Variants in SLC24A2 observed in about 807,000 individuals in gnomAD.
The protein encoded by SLC24A2 is solute carrier family 24 member 2, also known as sodium/potassium/calcium exchanger 2.
In SLC24A2, 36 loss-of-function variants were observed where a neutral mutation model predicts 62.0. That is an observed-to-expected ratio of 0.58 (90% CI 0.44 to 0.77). The LOEUF is 0.77. Ranked by LOEUF, SLC24A2 falls within the 30% of genes least tolerant of loss-of-function variation. The pLI is 0.00. For missense variants in SLC24A2, 846 were observed against 817.9 expected (o/e 1.03, Z -0.42); for synonymous variants, 358 against 294.0 (o/e 1.22, Z -2.23).
the SLC24A2 span, among the ~76,000 whole-genome samples, chr9:20,020,765 C>T: frequency 6.6e-6 from 1 of 152,108 alleles, no homozygotes; most frequent in Admixed American, 6.5e-5. Context: ...AATCTATTGG[C>T]TTTCAAAGCT....
chr9:19,689,601 A>T (rs1399216093), intron 2 of SLC24A2, among the ~76,000 whole-genome samples: 1 of 152,134 alleles, frequency 6.6e-6, no homozygotes, highest in Non-Finnish European at 1.5e-5. Context: ...AGGGCTTGTC[A>T]GTGTGGCACA....
At chr9:20,232,335 G>A in the SLC24A2 span, among the ~76,000 whole-genome samples, 18 of 152,172 alleles carry the variant, frequency 1.2e-4, no homozygotes, top group African/African-American at 3.6e-4. Context: ...TGTACCTCTG[G>A]TAGAATTCGG....
intron 2 of SLC24A2, among the ~76,000 whole-genome samples, chr9:19,648,147 C>T (rs934170848): frequency 6.6e-6 from 1 of 152,168 alleles, no homozygotes; most frequent in Non-Finnish European, 1.5e-5. Flanking sequence ...AATAGACTAA[C>T]AACCCATTAA....
the SLC24A2 span, among the ~76,000 whole-genome samples, chr9:20,094,463 T>C: frequency 1.1e-4 from 16 of 152,190 alleles, no homozygotes; most frequent in Admixed American, 4.6e-4. Flanking sequence ...AAAAACAGAA[T>C]TTTGGAAAAC....
intron 2 of SLC24A2, among the ~76,000 whole-genome samples, chr9:19,649,485 G>A (rs1245776034): frequency 3.3e-5 from 5 of 152,070 alleles, no homozygotes; most frequent in African/African-American, 7.2e-5. Flanking sequence ...TGGGGGTAGG[G>A]GGTTGGTGAG....
chr9:20,073,592 A>G, the SLC24A2 span, among the ~76,000 whole-genome samples: 2 of 152,048 alleles, frequency 1.3e-5, no homozygotes, highest in Non-Finnish European at 2.9e-5. Flanking sequence ...TTTGCCTAAA[A>G]TGTCATTTAT....
chr9:19,843,258 T>C, the SLC24A2 span, among the ~76,000 whole-genome samples: 2 of 152,184 alleles, frequency 1.3e-5, no homozygotes, highest in East Asian at 1.9e-4. Context: ...TCCCAACACT[T>C]TGGGAGGCCA....
chr9:19,559,114 G>T (rs1003184961), intron 7 of SLC24A2, among the ~76,000 whole-genome samples: 11 of 152,206 alleles, frequency 7.2e-5, no homozygotes, highest in African/African-American at 2.6e-4. Context: ...GGCACATAGT[G>T]AACACTCAAA....
chr9:20,279,263 G>T, the SLC24A2 span, among the ~76,000 whole-genome samples: 1 of 152,230 alleles, frequency 6.6e-6, no homozygotes, highest in South Asian at 2.1e-4. Context: ...AGACATGGTG[G>T]CTCATGCCTG....
At chr9:20,260,041 C>T in the SLC24A2 span, among the ~76,000 whole-genome samples, 1 of 152,314 alleles carries the variant, frequency 6.6e-6, no homozygotes, top group African/African-American at 2.4e-5. Flanking sequence ...CATGATTGTG[C>T]CACTGCACTC....
At chr9:19,548,823 G>A (rs535686478) in intron 8 of SLC24A2, among the ~76,000 whole-genome samples, 1 of 152,320 alleles carries the variant, frequency 6.6e-6, no homozygotes, top group East Asian at 1.9e-4. Context: ...GGCCAGCCCT[G>A]GGATGGACTG....
At chr9:19,783,098 C>T (rs933307292) in intron 2 of SLC24A2, among the ~76,000 whole-genome samples, 2 of 152,094 alleles carry the variant, frequency 1.3e-5, no homozygotes, top group African/African-American at 4.8e-5. Flanking sequence ...CATGTTTTTC[C>T]ATGCTTCACA....
chr9:20,155,824 T>C, the SLC24A2 span, among the ~76,000 whole-genome samples: 3 of 151,710 alleles, frequency 2.0e-5, no homozygotes, highest in Admixed American at 2.0e-4. Flanking sequence ...GTATTTGAAA[T>C]CAAAATCCAC....
chr9:19,833,642 C>A, the SLC24A2 span, among the ~76,000 whole-genome samples: 1 of 152,358 alleles, frequency 6.6e-6, no homozygotes, highest in South Asian at 2.1e-4. Flanking sequence ...TAGGCTCCAC[C>A]TCTGGGGGCA....
At chr9:19,567,145 TA>T (rs542321833) in intron 7 of SLC24A2, among the ~76,000 whole-genome samples, 91 of 131,168 alleles carry the variant, frequency 6.9e-4, no homozygotes, top group African/African-American at 2.2e-3. Context: ...TAAAGTATAA[TA>T]AAAAAAATAA....
chr9:20,086,597 T>G, the SLC24A2 span, among the ~76,000 whole-genome samples: 1 of 151,964 alleles, frequency 6.6e-6, no homozygotes, highest in Non-Finnish European at 1.5e-5. Context: ...GGCTGTGGGG[T>G]CTCCCCTCAC....
At chr9:20,225,813 C>T in the SLC24A2 span, among the ~76,000 whole-genome samples, 1 of 151,410 alleles carries the variant, frequency 6.6e-6, no homozygotes, top group Non-Finnish European at 1.5e-5. Context: ...TTATGGTTAG[C>T]TTGTGCTCTC....
At chr9:19,837,308 C>T in the SLC24A2 span, among the ~76,000 whole-genome samples, 6 of 150,482 alleles carry the variant, frequency 4.0e-5, no homozygotes, top group East Asian at 3.9e-4. Context: ...AAAAATTAGC[C>T]GGGTGCGGTG....
At chr9:19,986,269 AATAAGT>A in the SLC24A2 span, among the ~76,000 whole-genome samples, 5 of 152,160 alleles carry the variant, frequency 3.3e-5, no homozygotes, top group African/African-American at 1.2e-4. Flanking sequence ...AAAACTAGAA[AATAAGT>A]ATAAGTGAAA....
Sources: allele counts gnomAD v4.1 joint callset (sites outside exome capture counted in the v4.1 genomes callset), GRCh38; gene constraint gnomAD v4.1.1; transcripts MANE v1.5; gene names NCBI Gene and HGNC (gene_info 2026-07-23, HGNC 2026-07-21).